Variants in LETM2 observed in about 807,000 individuals in gnomAD.
LETM2 encodes the protein leucine zipper and EF-hand containing transmembrane protein 2.
LETM2 carries 58 observed loss-of-function variants against 59.6 expected under a neutral mutation model. The observed-to-expected ratio is 0.97, with a 90% CI of 0.79 to 1.21. The LOEUF (loss-of-function observed/expected upper bound fraction) is 1.21. Ranked by LOEUF, LETM2 falls within the 50% of genes most tolerant of loss-of-function variation. The pLI is 0.00. For missense variants in LETM2, 572 were observed against 575.7 expected (o/e 0.99, Z 0.07); for synonymous variants, 199 against 214.1 (o/e 0.93, Z 0.62).
intron 2 of LETM2, among the ~76,000 whole-genome samples, chr8:38,390,788 T>C (rs112537273): frequency 0.19 from 29,067 of 149,278 alleles, 3,099 homozygotes; most frequent in East Asian, 0.31. Context: ...GTTCAAGCAA[T>C]TCTCCTGCCT....
Position 38,408,290 on chromosome 8 carries a change from T to G in LETM2, c.*16T>G. 1.9e-6 allele frequency: 3 copies of G among 1,607,968 alleles called. No homozygotes were observed. Among genetic ancestry groups the G allele is most frequent in the Non-Finnish European group, 2.6e-6 (3 of 1,175,742 alleles). On this transcript the variant is annotated 3_prime_UTR_variant, in exon 11 of 11. Coordinates refer to ENST00000379957, the MANE Select transcript of LETM2 (RefSeq NM_001286819.2). ...AGGAGCATAAAGGACTACTTGAGGATGGAGCTCACTCTCTTCAGCTTCCGG... is the reference window on the plus strand; with the variant it reads ...AGGAGCATAAAGGACTACTTGAGGAGGGAGCTCACTCTCTTCAGCTTCCGG...
upstream of LETM2, among the ~76,000 whole-genome samples, chr8:38,385,313 G>A (rs1811728781): frequency 6.6e-6 from 1 of 152,150 alleles, no homozygotes; most frequent in South Asian, 2.1e-4. Flanking sequence ...AAAGTCTGTG[G>A]TCAGCTCACA....
chr8:38,406,544 CAGTG>C (rs1444870538), intron 8 of LETM2: 5 of 157,582 alleles, frequency 3.2e-5, no homozygotes, highest in African/African-American at 1.2e-4. Context: ...GTGGAGGTTG[CAGTG>C]AGCCGAGATC....
chr8:38,385,539 G>T (rs547384460), upstream of LETM2, among the ~76,000 whole-genome samples: 10 of 152,134 alleles, frequency 6.6e-5, no homozygotes, highest in East Asian at 1.9e-3. Context: ...AACTACAGGC[G>T]CACGCCACCA....
chr8:38,399,578 G>A (rs981235955), intron 4 of LETM2, among the ~76,000 whole-genome samples: 1 of 152,034 alleles, frequency 6.6e-6, no homozygotes, highest in Non-Finnish European at 1.5e-5. Flanking sequence ...AGGAGTTCAA[G>A]ACCAGCCTGG....
In LETM2 at chr8:38,402,640, C is replaced by T. The variant is rs776017169; in HGVS notation, c.1100C>T (p.Thr367Met). Residue 367 changes from threonine to methionine, a missense_variant, in exon 7 of 11, where the codon ACG becomes ATG. Physicochemically the swap from Thr to Met is moderately conservative, Grantham distance 81. Transcript: ENST00000379957. ...GAGGAACAACTGCGACAACAGCTCA[C>T]GGAGGCAAGTAGCAGCGCCCCTCTG... ...LTEEQLRQQL[T>M]EWQDLHLKEN... 1.2e-5 allele frequency: 20 copies of T among 1,613,904 alleles called. No homozygotes were observed. The highest frequency in any genetic ancestry group is 3.3e-5 in the South Asian group (3 of 91,080).
chr8:38,405,122 G>A (rs1393047598), intron 8 of LETM2, among the ~76,000 whole-genome samples: 2 of 152,234 alleles, frequency 1.3e-5, no homozygotes, highest in Admixed American at 6.5e-5. Context: ...GCAGACTGGT[G>A]TGTGTGGGTG....
At chr8:38,405,780 G>C (rs550827770) in intron 8 of LETM2, among the ~76,000 whole-genome samples, 2 of 152,268 alleles carry the variant, frequency 1.3e-5, no homozygotes, top group Non-Finnish European at 2.9e-5. Flanking sequence ...AGGAAATCTT[G>C]GAGGAGCTCA....
intron 4 of LETM2, among the ~76,000 whole-genome samples, chr8:38,395,394 C>T (rs773170239): frequency 1.2e-4 from 18 of 152,190 alleles, no homozygotes; most frequent in African/African-American, 2.9e-4. Context: ...ACATTAGCCA[C>T]GAAACAGGTG....
chr8:38,392,949 G>A lies in LETM2; in HGVS notation c.455G>A (p.Trp152Ter), dbSNP rs1263813404. The change falls in exon 3 of 11, where the codon TGG (tryptophan) becomes TAG (stop). Residue 152 changes from tryptophan to a stop codon, truncating the protein, a stop_gained. Transcript: ENST00000379957. LOFTEE classifies it high-confidence loss of function. The part of the protein sequence containing the change: ...IDAKVAARMV[W>*]RLLHGQVLTR... ...GCCAAAGTTGCTGCCAGAATGGTTTGGAGGCTGTTGCATGGACAGGTCCTG... is the reference window on the plus strand; with the variant it reads ...GCCAAAGTTGCTGCCAGAATGGTTTAGAGGCTGTTGCATGGACAGGTCCTG... 1 of 1,610,758 alleles carries A rather than the reference G, an allele frequency of 6.2e-7. No individual in the cohort carries two copies. The highest frequency in any genetic ancestry group is 8.5e-7 in the Non-Finnish European group (1 of 1,180,018).
chr8:38,402,748 A>T, intron 7 of LETM2, 104 bp downstream of exon 7: 1 of 1,238,484 alleles, frequency 8.1e-7, no homozygotes, highest in Non-Finnish European at 1.2e-6. Flanking sequence ...CGTCTTACTT[A>T]ATTTGCCTTA....
rs749582529 is a variant in LETM2, at chr8:38,408,279, C to G, written c.*5C>G. The G allele has an allele frequency of 4.0e-6, 6 of 1,486,384 alleles. No homozygotes were observed. In the Admixed American group the frequency reaches 6.9e-5, roughly 17 times the overall value. The allele number at this position is 1,486,384 out of a possible 1,614,324, so 92.1% of individuals were successfully genotyped here. Reference sequence around the variant, plus strand: ...GCTAGTTCAAAAGGAGCATAAAGGACTACTTGAGGATGGAGCTCACTCTCT... The same window carrying G: ...GCTAGTTCAAAAGGAGCATAAAGGAGTACTTGAGGATGGAGCTCACTCTCT... On this transcript the variant is annotated 3_prime_UTR_variant, in exon 11 of 11. Transcript: ENST00000379957.
chr8:38,407,127 A>G, intron 9 of LETM2, 89 bp downstream of exon 9: 1 of 824,290 alleles, frequency 1.2e-6, no homozygotes, highest in East Asian at 2.5e-5. Flanking sequence ...CCCTTAATGA[A>G]ATTGAAATTC....
chr8:38,407,254 G>C (rs544695062), intron 9 of LETM2, 108 bp from the exon 10 acceptor site: 2 of 932,482 alleles, frequency 2.1e-6, no homozygotes, highest in East Asian at 5.0e-5. Flanking sequence ...TCCTGTGCCA[G>C]GATATGAGGT....
rs934719727 is a variant in LETM2, at chr8:38,394,059, C to T, written c.502-39C>T. The T allele has an allele frequency of 1.0e-5, 14 of 1,371,464 alleles. No homozygotes were observed. The African/African-American group carries it at 1.8e-4, about 18-fold the overall frequency. The allele number at this position is 1,371,464 out of a possible 1,614,324, so 85.0% of individuals were successfully genotyped here. ...TTTTCATTTTTGTTTTTGGCATGCC[C>T]TAAAATAATGAATATTGCATATGCA... On this transcript the variant is annotated intron_variant, in intron 3 of 10. Coordinates refer to ENST00000379957, the MANE Select transcript of LETM2 (RefSeq NM_001286819.2).
At chr8:38,383,657 G>T (rs1811664309), upstream of LETM2, among the ~76,000 whole-genome samples, 1 of 151,236 alleles carries the variant, frequency 6.6e-6, no homozygotes, top group African/African-American at 2.4e-5. Flanking sequence ...TTGGCTGGGC[G>T]CAGTGGCTCA....
At chr8:38,407,182 G>T in intron 9 of LETM2, 144 bp downstream of exon 9, 1 of 716,384 alleles carries the variant, frequency 1.4e-6, no homozygotes, top group South Asian at 1.8e-5. Context: ...TGTACTGTTT[G>T]ATCTAAGAGG....
At chr8:38,391,663 G>C (rs966092854) in intron 2 of LETM2, among the ~76,000 whole-genome samples, 1 of 151,482 alleles carries the variant, frequency 6.6e-6, no homozygotes, top group African/African-American at 2.4e-5. Flanking sequence ...AATACCAGAA[G>C]CTAGAGACCC....
intron 8 of LETM2, 71 bp downstream of exon 8, chr8:38,404,577 C>A: frequency 1.1e-6 from 1 of 927,434 alleles, no homozygotes; most frequent in Non-Finnish European, 1.8e-6. Flanking sequence ...ACTTGGTGTA[C>A]TCTTGCAGTT....
Sources: gnomAD v4.1 joint callset for allele counts (sites outside exome capture counted in the v4.1 genomes callset) on GRCh38, gnomAD v4.1.1 for gene constraint, MANE v1.5 for transcripts, NCBI Gene and HGNC (gene_info 2026-07-23, HGNC 2026-07-21) for gene names.